Variants in ARB2A observed in about 807,000 individuals in gnomAD.
ARB2A encodes cotranscriptional regulator ARB2A.
the ARB2A span, among the ~76,000 whole-genome samples, chr5:94,056,789 A>G: frequency 6.6e-6 from 1 of 152,232 alleles, no homozygotes; most frequent in Admixed American, 6.5e-5. Context: ...GTGTACATAG[A>G]TGGGTGAATG....
chr5:93,765,551 C>T, the ARB2A span, among the ~76,000 whole-genome samples: 1 of 152,158 alleles, frequency 6.6e-6, no homozygotes, highest in Non-Finnish European at 1.5e-5. Flanking sequence ...AAAGAGGATA[C>T]AAACAAATGG....
At chr5:93,664,899 TC>T in the ARB2A span, among the ~76,000 whole-genome samples, 1 of 152,036 alleles carries the variant, frequency 6.6e-6, no homozygotes, top group African/African-American at 2.4e-5. Context: ...CAATCTTGGC[TC>T]ACTGCAACTT....
chr5:93,709,548 G>A, the ARB2A span, among the ~76,000 whole-genome samples: 21 of 142,212 alleles, frequency 1.5e-4, no homozygotes, highest in African/African-American at 4.8e-4. Context: ...CAGGAGAATC[G>A]CTTGAATCCA....
the ARB2A span, among the ~76,000 whole-genome samples, chr5:93,650,930 T>A: frequency 1.2e-4 from 19 of 152,136 alleles, 1 homozygote; most frequent in South Asian, 3.9e-3. Flanking sequence ...AGATCAAGGC[T>A]GCGGTGAGCT....
At chr5:93,770,353 C>T in the ARB2A span, among the ~76,000 whole-genome samples, 1 of 152,114 alleles carries the variant, frequency 6.6e-6, no homozygotes, top group Non-Finnish European at 1.5e-5. Flanking sequence ...CAATATCATA[C>T]TGAATGGGAA....
chr5:94,052,851 T>C, the ARB2A span, among the ~76,000 whole-genome samples: 6 of 152,202 alleles, frequency 3.9e-5, no homozygotes, highest in Non-Finnish European at 8.8e-5. Flanking sequence ...TTGAAATGCA[T>C]AAGCTGAATC....
chr5:93,959,965 G>C, the ARB2A span, among the ~76,000 whole-genome samples: 20 of 151,662 alleles, frequency 1.3e-4, no homozygotes, highest in Non-Finnish European at 2.6e-4. Context: ...CTGGTGGCTG[G>C]TACTCTTACA....
chr5:94,035,914 A>T, the ARB2A span, among the ~76,000 whole-genome samples: 1 of 152,162 alleles, frequency 6.6e-6, no homozygotes, highest in South Asian at 2.1e-4. Flanking sequence ...TGTAGATGAC[A>T]GGTTGATGAG....
the ARB2A span, among the ~76,000 whole-genome samples, chr5:93,968,852 C>T: frequency 9.2e-5 from 14 of 152,034 alleles, 1 homozygote; most frequent in South Asian, 6.2e-4. Flanking sequence ...AGAATTACAT[C>T]GGACTTCTCT....
chr5:93,943,629 C>T, the ARB2A span, among the ~76,000 whole-genome samples: 1 of 152,074 alleles, frequency 6.6e-6, no homozygotes, highest in East Asian at 1.9e-4. Context: ...TAAAATCTTC[C>T]TGTCACCAAG....
the ARB2A span, among the ~76,000 whole-genome samples, chr5:93,643,044 G>C: frequency 6.6e-6 from 1 of 152,110 alleles, no homozygotes; most frequent in Non-Finnish European, 1.5e-5. Context: ...GCTTGCTCAA[G>C]GGGTAAAATC....
chr5:93,791,804 G>A, the ARB2A span, among the ~76,000 whole-genome samples: 1 of 152,242 alleles, frequency 6.6e-6, no homozygotes, highest in East Asian at 1.9e-4. Flanking sequence ...GGCAAGTTAT[G>A]ATTTATTATT....
chr5:93,839,894 T>C, the ARB2A span, among the ~76,000 whole-genome samples: 1 of 152,102 alleles, frequency 6.6e-6, no homozygotes, highest in Non-Finnish European at 1.5e-5. Flanking sequence ...TTTCTGATTA[T>C]ATTTATTTGG....
At chr5:93,842,536 C>T in the ARB2A span, among the ~76,000 whole-genome samples, 16 of 151,988 alleles carry the variant, frequency 1.1e-4, no homozygotes, top group African/African-American at 3.9e-4. Context: ...AGACATAAAT[C>T]AGCAAAGACT....
At chr5:93,916,091 T>A in the ARB2A span, among the ~76,000 whole-genome samples, 1 of 152,108 alleles carries the variant, frequency 6.6e-6, no homozygotes, top group Admixed American at 6.6e-5. Flanking sequence ...GTTTCATCAG[T>A]CTTCACTATA....
the ARB2A span, among the ~76,000 whole-genome samples, chr5:93,795,596 T>C: frequency 6.6e-6 from 1 of 152,152 alleles, no homozygotes; most frequent in South Asian, 2.1e-4. Context: ...CCATCTGCCA[T>C]CTTAATCCTC....
chr5:94,097,672 C>A, the ARB2A span, among the ~76,000 whole-genome samples: 1 of 152,192 alleles, frequency 6.6e-6, no homozygotes, highest in African/African-American at 2.4e-5. Flanking sequence ...GACCATTAAA[C>A]CTCTTTCTTT....
chr5:94,053,072 T>TACAGATAGATAG, the ARB2A span: 1 of 632,994 alleles, frequency 1.6e-6, no homozygotes, highest in Admixed American at 3.2e-5. Flanking sequence ...TTGCATATAC[T>TACAGATAGATAG]ATAGATAGAT....
chr5:94,106,032 AAAAG>A, the ARB2A span, among the ~76,000 whole-genome samples: 1 of 152,088 alleles, frequency 6.6e-6, no homozygotes, highest in Non-Finnish European at 1.5e-5. Context: ...TAAAAACTCT[AAAAG>A]AAAATCTAGG....
Sources: gnomAD v4.1 joint callset for allele counts (sites outside exome capture counted in the v4.1 genomes callset) on GRCh38, gnomAD v4.1.1 for gene constraint, MANE v1.5 for transcripts, NCBI Gene and HGNC (gene_info 2026-07-23, HGNC 2026-07-21) for gene names.